Variants in PTK2 observed in about 807,000 individuals in gnomAD.
The protein encoded by PTK2 is protein tyrosine kinase 2.
In PTK2, 45 loss-of-function variants were observed where a neutral mutation model predicts 150.1. The observed-to-expected ratio is 0.30, with a 90% CI of 0.24 to 0.38. PTK2 has a LOEUF of 0.38. PTK2 is among the 10% of genes least tolerant of loss of function. PTK2 has a pLI of 1.00. For missense variants in PTK2, 919 were observed against 1,307.3 expected (o/e 0.70, Z 4.58); for synonymous variants, 432 against 449.2 (o/e 0.96, Z 0.48).
chr8:140,971,016 G>T (rs1292524466), intron 1 of PTK2, among the ~76,000 whole-genome samples: 2 of 152,134 alleles, frequency 1.3e-5, no homozygotes, highest in African/African-American at 2.4e-5. Context: ...AAATATTTTT[G>T]AATGATTTTC....
chr8:140,998,933 A>T (rs1418983988), intron 1 of PTK2, among the ~76,000 whole-genome samples: 1 of 152,194 alleles, frequency 6.6e-6, no homozygotes, highest in Non-Finnish European at 1.5e-5. Context: ...TAAGTTATGT[A>T]ATTTCCATCA....
intron 12 of PTK2, among the ~76,000 whole-genome samples, chr8:140,797,868 C>T (rs2154592304): frequency 6.6e-6 from 1 of 152,088 alleles, no homozygotes; most frequent in African/African-American, 2.4e-5. Flanking sequence ...CTATGTGGCC[C>T]AGGATGGTCT....
intron 1 of PTK2, among the ~76,000 whole-genome samples, chr8:140,973,812 A>T (rs2100188280): frequency 6.6e-6 from 1 of 152,204 alleles, no homozygotes; most frequent in Non-Finnish European, 1.5e-5. Context: ...AATTACAATT[A>T]GCCCCAGCGT....
intron 15 of PTK2, 83 bp from the exon 19 acceptor site, chr8:140,761,345 CA>C: frequency 8.8e-7 from 1 of 1,134,928 alleles, no homozygotes; most frequent in Non-Finnish European, 1.3e-6. Context: ...CTTGATCATC[CA>C]TAAGTAAAAT....
intron 1 of PTK2, among the ~76,000 whole-genome samples, chr8:140,931,568 TA>T (rs995715004): frequency 6.6e-6 from 1 of 151,856 alleles, no homozygotes; most frequent in South Asian, 2.1e-4. Context: ...CTTGTGGTTT[TA>T]AAAAAAATTT....
intron 1 of PTK2, among the ~76,000 whole-genome samples, chr8:140,958,797 G>A (rs918049360): frequency 6.6e-6 from 1 of 152,102 alleles, no homozygotes. Context: ...CCTAAATTTA[G>A]CTTCTAGAAA....
rs556541834 is a variant in PTK2 at position 140,695,380 on chromosome 8, C to T, written c.2499+5511G>A. On this transcript the variant is annotated intron_variant, in intron 26 of 31. Transcript: ENST00000522684. Reference sequence around the variant, plus strand: ...GCATTTCCTATCTTGCCTTCTGAGCCATCAGTCAGCAAGCAACGCTAAGGT... The same window carrying T: ...GCATTTCCTATCTTGCCTTCTGAGCTATCAGTCAGCAAGCAACGCTAAGGT... Among the ~76,000 whole-genome samples, 47 of 152,034 alleles carry T rather than the reference C, an allele frequency of 3.1e-4. 1 individual carries two copies. In the Middle Eastern group the frequency reaches 0.014, roughly 44 times the overall value.
At chr8:140,888,420 G>A (rs937437258) in intron 3 of PTK2, among the ~76,000 whole-genome samples, 8 of 152,154 alleles carry the variant, frequency 5.3e-5, no homozygotes, top group Non-Finnish European at 8.8e-5. Flanking sequence ...TGAATTCAAT[G>A]CCAACTGTGA....
chr8:140,984,106 G>C (rs2100192439), intron 1 of PTK2: 1 of 157,818 alleles, frequency 6.3e-6, no homozygotes, highest in African/African-American at 2.4e-5. Flanking sequence ...AGTCAGCCGA[G>C]ATCATGCCAC....
chr8:140,784,546 G>A (rs2100083758), intron 14 of PTK2, among the ~76,000 whole-genome samples: 1 of 152,004 alleles, frequency 6.6e-6, no homozygotes, highest in Non-Finnish European at 1.5e-5. Flanking sequence ...TGATTTCTAG[G>A]GTAATTTTAA....
intron 1 of PTK2, among the ~76,000 whole-genome samples, chr8:140,985,628 G>A (rs1026545314): frequency 2.6e-5 from 4 of 151,758 alleles, no homozygotes; most frequent in African/African-American, 4.8e-5. Context: ...AATTCCCATT[G>A]TTCCCTCAAG....
At chr8:140,913,577 T>G (rs1390250647) in intron 2 of PTK2, among the ~76,000 whole-genome samples, 2 of 152,148 alleles carry the variant, frequency 1.3e-5, no homozygotes, top group African/African-American at 4.8e-5. Flanking sequence ...ATTACAGGTG[T>G]GAGCCACTGA....
At chr8:140,661,915 C>G (rs754862710) in intron 31 of PTK2, among the ~76,000 whole-genome samples, 3 of 152,178 alleles carry the variant, frequency 2.0e-5, no homozygotes, top group African/African-American at 4.8e-5. Context: ...GGATGGGCTG[C>G]TCTTTCAGGA....
chr8:140,697,191 C>T (rs1020057081), intron 26 of PTK2, among the ~76,000 whole-genome samples: 1 of 149,330 alleles, frequency 6.7e-6, no homozygotes, highest in East Asian at 1.9e-4. Context: ...GAAAGTGCCT[C>T]GATGCCATCA....
At chr8:140,819,500 G>A (rs555844583) in intron 8 of PTK2, among the ~76,000 whole-genome samples, 1 of 152,118 alleles carries the variant, frequency 6.6e-6, no homozygotes, top group Admixed American at 6.5e-5. Flanking sequence ...AAAGATTCAG[G>A]AACAAAAAGA....
intron 1 of PTK2, among the ~76,000 whole-genome samples, chr8:140,936,616 CAAT>C (rs1390236659): frequency 1.5e-4 from 23 of 152,010 alleles, no homozygotes; most frequent in African/African-American, 4.8e-4. Flanking sequence ...AATCTGTAAC[CAAT>C]TCAAAAACTG....
chr8:140,899,314 G>A (rs1450645603), intron 2 of PTK2, among the ~76,000 whole-genome samples: 3 of 151,924 alleles, frequency 2.0e-5, no homozygotes, highest in Non-Finnish European at 2.9e-5. Flanking sequence ...AGATTCCCTC[G>A]GTTTTCTTGG....
intron 14 of PTK2, among the ~76,000 whole-genome samples, chr8:140,788,700 A>G (rs73371899): frequency 0.041 from 6,275 of 152,254 alleles, 352 homozygotes; most frequent in African/African-American, 0.12. Context: ...AACTGATTCA[A>G]AATAAACAGG....
intron 1 of PTK2, among the ~76,000 whole-genome samples, chr8:140,962,315 A>G (rs1179774104): frequency 6.6e-6 from 1 of 151,346 alleles, no homozygotes; most frequent in Non-Finnish European, 1.5e-5. Flanking sequence ...GAAAAAAATT[A>G]TGTGGTTATT....
Sources: gnomAD v4.1 joint callset for allele counts (sites outside exome capture counted in the v4.1 genomes callset) on GRCh38, gnomAD v4.1.1 for gene constraint, MANE v1.5 for transcripts, NCBI Gene and HGNC (gene_info 2026-07-23, HGNC 2026-07-21) for gene names.